UGGT2: variants seen among roughly 807,000 people sequenced by gnomAD.
The protein encoded by UGGT2 is UDP-glucose:glycoprotein glucosyltransferase 2.
In UGGT2, 180 loss-of-function variants were observed where a neutral mutation model predicts 192.1. That is an observed-to-expected ratio of 0.94 (90% CI 0.83 to 1.06). The LOEUF is 1.06. UGGT2 is among the 50% of genes least tolerant of loss of function. The pLI, the probability that UGGT2 is intolerant of heterozygous loss-of-function variation, is 0.00. For missense variants in UGGT2, 1,849 were observed against 1,795.7 expected, an observed-to-expected ratio of 1.03 and a Z score of -0.54; for synonymous variants, 580 against 591.0, an observed-to-expected ratio of 0.98 and a Z score of 0.27.
chr13:96,050,434 T>A (rs937597112), intron 1 of UGGT2, among the ~76,000 whole-genome samples: 11 of 152,144 alleles, frequency 7.2e-5, no homozygotes, highest in African/African-American at 2.4e-4. Flanking sequence ...GGACTTCATG[T>A]CTAAAACACC....
intron 5 of UGGT2, among the ~76,000 whole-genome samples, chr13:96,002,358 C>G (rs1469048706): frequency 1.3e-5 from 2 of 152,188 alleles, no homozygotes; most frequent in African/African-American, 4.8e-5. Context: ...ACTCTCTGTC[C>G]TCTTCTTTTA....
At chr13:95,937,132 G>A in intron 16 of UGGT2, 44 bp from the exon 17 acceptor site, 3 of 1,540,668 alleles carry the variant, frequency 1.9e-6, no homozygotes, top group Non-Finnish European at 1.7e-6. Context: ...AAATATGATT[G>A]TTTGAATAAT....
intron 19 of UGGT2, among the ~76,000 whole-genome samples, chr13:95,926,324 C>T (rs1339546323): frequency 6.6e-6 from 1 of 152,012 alleles, no homozygotes; most frequent in Admixed American, 6.6e-5. Context: ...AATCTCTCTC[C>T]TATATAAAAG....
At chr13:96,024,902 G>A (rs895718501) in intron 2 of UGGT2, among the ~76,000 whole-genome samples, 1 of 152,138 alleles carries the variant, frequency 6.6e-6, no homozygotes, top group Non-Finnish European at 1.5e-5. Flanking sequence ...TGGAAGACTG[G>A]GTTGTTTGCT....
In UGGT2 at chr13:95,988,540, T is replaced by C. The variant is rs150551122; in HGVS notation, c.931+1433A>G. ...GTACACCAGAAGGGTCCAGGGAGAA[T>C]AGATTCTATCAGTTCAAAGAGGTAG... On this transcript the variant is annotated intron_variant, in intron 8 of 38. Coordinates refer to ENST00000376747, the MANE Select transcript of UGGT2 (RefSeq NM_020121.4). 1.2e-4 allele frequency among the ~76,000 whole-genome samples: 18 copies of C among 152,222 alleles called. No individual in the cohort carries two copies. The East Asian group carries it at 3.3e-3, about 28-fold the overall frequency.
At chr13:95,915,753 C>T (rs117471880) in intron 20 of UGGT2, among the ~76,000 whole-genome samples, 2,276 of 152,308 alleles carry the variant, frequency 0.015, 26 homozygotes, top group Non-Finnish European at 0.024. Context: ...AAGGTTCCCC[C>T]ACCAACAGAG....
In UGGT2 at chr13:95,877,812, T is replaced by G; in HGVS notation, c.3273A>C (p.Leu1091=). 1 of 1,614,020 alleles carries G rather than the reference T, an allele frequency of 6.2e-7. No individual in the cohort carries two copies. The highest frequency in any genetic ancestry group is 8.5e-7 in the Non-Finnish European group (1 of 1,179,964). The stretch of plus-strand genomic sequence containing the variant: ...CTTTATCAAAGCATTGTCCTTCCAG[T>G]AGTAAGTATTCTAGTTCATATTCTG... ...VTAEYELEYL[L]LEGQCFDKVT... The change falls in exon 28 of 39, where the codon CTA becomes CTC. Residue 1091 remains leucine, a synonymous_variant. Transcript: ENST00000376747.
intron 2 of UGGT2, among the ~76,000 whole-genome samples, chr13:96,027,459 T>C (rs1198204339): frequency 6.6e-6 from 1 of 152,208 alleles, no homozygotes; most frequent in African/African-American, 2.4e-5. Flanking sequence ...ACCAACCACC[T>C]GCTAAAAATG....
chr13:96,052,931 G>A (rs2053528480), intron 1 of UGGT2, among the ~76,000 whole-genome samples: 1 of 152,236 alleles, frequency 6.6e-6, no homozygotes, highest in African/African-American at 2.4e-5. Context: ...AAAATCGTAG[G>A]TAAAGTAAGA....
At chr13:95,820,917 C>G (rs9584324) in intron 38 of UGGT2, among the ~76,000 whole-genome samples, 28,417 of 151,894 alleles carry the variant, frequency 0.19, 3,535 homozygotes, top group African/African-American at 0.34. Flanking sequence ...CTATAAAATA[C>G]ATTATTTTGT....
At chr13:95,905,911 G>A (rs944110401) in intron 20 of UGGT2, among the ~76,000 whole-genome samples, 1 of 152,094 alleles carries the variant, frequency 6.6e-6, no homozygotes, top group Non-Finnish European at 1.5e-5. Context: ...AGGGGGAAGT[G>A]TCAAAGATTA....
intron 9 of UGGT2, chr13:95,984,991 T>G (rs2051244478): frequency 6.4e-6 from 1 of 155,780 alleles, no homozygotes; most frequent in East Asian, 1.9e-4. Flanking sequence ...TTTAGAGATA[T>G]GCTCAAGCCT....
intron 20 of UGGT2, among the ~76,000 whole-genome samples, chr13:95,923,092 C>T (rs1177457700): frequency 1.3e-5 from 2 of 152,084 alleles, no homozygotes; most frequent in Non-Finnish European, 2.9e-5. Context: ...CACTCTATTA[C>T]CCAGGCTAGA....
At chr13:95,848,421 C>T (rs141399666) in intron 36 of UGGT2, among the ~76,000 whole-genome samples, 2 of 152,184 alleles carry the variant, frequency 1.3e-5, no homozygotes, top group African/African-American at 4.8e-5. Flanking sequence ...AGGAGTTTTG[C>T]ATTTTGTGTT....
At chr13:95,840,033 T>A (rs569099912) in intron 36 of UGGT2, among the ~76,000 whole-genome samples, 14 of 152,076 alleles carry the variant, frequency 9.2e-5, no homozygotes, top group Admixed American at 6.6e-4. Context: ...AATCTCCAAA[T>A]AAACACATTT....
At chr13:95,975,300 A>C (rs1423500794) in intron 10 of UGGT2, among the ~76,000 whole-genome samples, 1 of 152,192 alleles carries the variant, frequency 6.6e-6, no homozygotes, top group African/African-American at 2.4e-5. Flanking sequence ...ACCCACATCC[A>C]GATATCCTTA....
chr13:95,888,005 A>ATTATT, intron 25 of UGGT2, 34 bp from the exon 26 acceptor site: 2 of 1,331,216 alleles, frequency 1.5e-6, no homozygotes, highest in East Asian at 2.3e-5. Flanking sequence ...TTGATATTAA[A>ATTATT]TAATATTAAT....
intron 4 of UGGT2, among the ~76,000 whole-genome samples, chr13:96,014,169 A>C (rs537148151): frequency 6.6e-6 from 1 of 152,226 alleles, no homozygotes; most frequent in Admixed American, 6.5e-5. Context: ...TCCAAAGCCC[A>C]TATGTTTTGG....
intron 38 of UGGT2, among the ~76,000 whole-genome samples, chr13:95,805,538 T>C (rs1365955309): frequency 6.6e-6 from 1 of 152,166 alleles, no homozygotes; most frequent in Non-Finnish European, 1.5e-5. Flanking sequence ...TGTCCATCGA[T>C]GGATGAATGG....
Sources: allele counts gnomAD v4.1 joint callset (sites outside exome capture counted in the v4.1 genomes callset), GRCh38; gene constraint gnomAD v4.1.1; transcripts MANE v1.5; gene names NCBI Gene and HGNC (gene_info 2026-07-23, HGNC 2026-07-21).